Variants in PAK5 observed in about 807,000 individuals in gnomAD.
The protein encoded by PAK5 is serine/threonine-protein kinase PAK 5.
In PAK5, 16 loss-of-function variants were observed where a neutral mutation model predicts 65.9. The observed-to-expected ratio is 0.24, with a 90% CI of 0.16 to 0.37. PAK5 has a LOEUF of 0.37. PAK5 is among the 10% of genes least tolerant of loss of function. The probability of loss-of-function intolerance (pLI) is 1.00; values close to 1 mark genes in which losing one functional copy is unlikely to be tolerated. For synonymous variants in PAK5, 371 were observed against 354.9 expected (o/e 1.05, Z -0.51); for missense variants, 785 against 903.9 (o/e 0.87, Z 1.69).
chr20:9,617,551 T>TTC (rs2046681909), intron 3 of PAK5, among the ~76,000 whole-genome samples: 1 of 134,876 alleles, frequency 7.4e-6, no homozygotes, highest in South Asian at 2.7e-4. Flanking sequence ...TCCCAATCCT[T>TTC]TTTTTTTTTT....
intron 4 of PAK5, among the ~76,000 whole-genome samples, chr20:9,568,965 C>T: frequency 6.6e-6 from 1 of 152,212 alleles, no homozygotes; most frequent in East Asian, 1.9e-4. Flanking sequence ...GGAGGTGGAT[C>T]CTCCAGGTCC....
At chr20:9,750,772 T>C (rs147064376) in intron 1 of PAK5, among the ~76,000 whole-genome samples, 2 of 152,250 alleles carry the variant, frequency 1.3e-5, no homozygotes, top group African/African-American at 2.4e-5. Flanking sequence ...TTAAGGGCCA[T>C]GATCGCTTAC....
intron 2 of PAK5, among the ~76,000 whole-genome samples, chr20:9,692,170 T>C (rs1250915651): frequency 1.3e-5 from 2 of 151,660 alleles, no homozygotes; most frequent in East Asian, 1.9e-4. Flanking sequence ...GAATTTTTCA[T>C]GTAAAAGAAA....
intron 1 of PAK5, among the ~76,000 whole-genome samples, chr20:9,776,282 C>T (rs543947769): frequency 1.3e-5 from 2 of 152,152 alleles, no homozygotes; most frequent in South Asian, 2.1e-4. Flanking sequence ...TAGTCTATAT[C>T]TTTGCTGCCC....
At position 9,538,418 on chromosome 20, in the gene PAK5, G is replaced by A. The variant is rs1408919001; in HGVS notation, c.*1044C>T. The stretch of plus-strand genomic sequence containing the variant: ...TGCTAGCATACAGAGTTTTAAAAAT[G>A]GTGACAAATGAAACCAAACGTCTTG... On this transcript the variant is annotated 3_prime_UTR_variant, in exon 10 of 10. Coordinates refer to ENST00000353224, the MANE Select transcript of PAK5 (RefSeq NM_177990.4). 4.3e-6 allele frequency: 1 copy of A among 233,454 alleles called. No homozygotes were observed. The highest frequency in any genetic ancestry group is 6.0e-5 in the East Asian group (1 of 16,554). The allele number at this position is 233,454 out of a possible 1,614,324, so 14.5% of individuals were successfully genotyped here.
intron 9 of PAK5, among the ~76,000 whole-genome samples, chr20:9,540,839 C>T (rs775066698): frequency 5.1e-4 from 78 of 151,732 alleles, no homozygotes; most frequent in Non-Finnish European, 9.3e-4. Context: ...CAGGTTCACG[C>T]CATTCTCCTG....
chr20:9,751,369 T>C (rs915910736), intron 1 of PAK5, among the ~76,000 whole-genome samples: 2 of 152,156 alleles, frequency 1.3e-5, no homozygotes, highest in African/African-American at 2.4e-5. Flanking sequence ...ATTCCTACAA[T>C]ACAACTGTCT....
chr20:9,600,324 C>T (rs1172580411), intron 3 of PAK5, among the ~76,000 whole-genome samples: 2 of 152,100 alleles, frequency 1.3e-5, no homozygotes, highest in Non-Finnish European at 2.9e-5. Flanking sequence ...AGAGTTTTGG[C>T]TATTTGGGCC....
chr20:9,803,006 C>T (rs2049190471), intron 1 of PAK5, among the ~76,000 whole-genome samples: 1 of 144,258 alleles, frequency 6.9e-6, no homozygotes, highest in South Asian at 2.2e-4. Context: ...GCTTCAAATA[C>T]TAGCTAAGTA....
At chr20:9,650,720 G>A (rs1379406936) in intron 2 of PAK5, among the ~76,000 whole-genome samples, 1 of 151,856 alleles carries the variant, frequency 6.6e-6, no homozygotes, top group African/African-American at 2.4e-5. Flanking sequence ...TCTGCTTCCC[G>A]CCAGGACTCT....
At chr20:9,642,503 T>G (rs911560692) in intron 3 of PAK5, among the ~76,000 whole-genome samples, 1 of 152,224 alleles carries the variant, frequency 6.6e-6, no homozygotes, top group African/African-American at 2.4e-5. Flanking sequence ...AGAAGACTTT[T>G]CAGGGCACAC....
intron 3 of PAK5, among the ~76,000 whole-genome samples, chr20:9,598,261 C>T (rs1407538957): frequency 6.6e-6 from 1 of 152,226 alleles, no homozygotes; most frequent in Non-Finnish European, 1.5e-5. Flanking sequence ...CTTCCAGCTT[C>T]ATCCATGTCC....
At chr20:9,679,473 T>A (rs989616098) in intron 2 of PAK5, among the ~76,000 whole-genome samples, 30 of 152,214 alleles carry the variant, frequency 2.0e-4, no homozygotes, top group Non-Finnish European at 4.1e-4. Context: ...TGTCTGTGCA[T>A]CTGTCTCTTC....
rs1382466743 is a variant in PAK5, at chr20:9,538,665, A to T, written c.*797T>A. 5 of 233,256 alleles carry T rather than the reference A, an allele frequency of 2.1e-5. No homozygotes were observed. 14.4% of individuals were successfully genotyped at this position (233,256 alleles called of 1,614,324 possible). A position where few individuals can be genotyped will look rare whatever the true frequency, so the allele number is the denominator to read the frequency against. On this transcript the variant is annotated 3_prime_UTR_variant, in exon 10 of 10. Transcript: ENST00000353224. ...ACTAGAGGCGTTCATGGAAAATGTG[A>T]TCTTTAAAAATATTTAACTTTATCC...
chr20:9,539,325 C>T lies in PAK5; in HGVS notation c.*137G>A. On this transcript the variant is annotated 3_prime_UTR_variant, in exon 10 of 10. Transcript: ENST00000353224. ...AAGAAGATGCCCTGGTCTGTTGAAC[C>T]CTGCCGGTCATCACGCTGTCCCACC... The T allele has an allele frequency of 1.3e-6, 1 of 782,174 alleles. No homozygotes were observed. Among genetic ancestry groups the T allele is most frequent in the Non-Finnish European group, 2.1e-6 (1 of 470,976 alleles). 48.5% of individuals were successfully genotyped at this position (782,174 alleles called of 1,614,324 possible).
At chr20:9,665,038 T>C (rs2047395508) in intron 2 of PAK5, among the ~76,000 whole-genome samples, 1 of 150,494 alleles carries the variant, frequency 6.6e-6, no homozygotes, top group Non-Finnish European at 1.5e-5. Context: ...GCCTCCCAAG[T>C]AGCTGGAACT....
chr20:9,827,376 G>A lies in PAK5; in HGVS notation c.-162+11386C>T, dbSNP rs879662267. 7.9e-5 allele frequency among the ~76,000 whole-genome samples: 12 copies of A among 152,190 alleles called. No individual in the cohort carries two copies. In the East Asian group the frequency reaches 1.7e-3, roughly 22 times the overall value. On this transcript the variant is annotated intron_variant, in intron 1 of 9. Coordinates refer to ENST00000353224, the MANE Select transcript of PAK5 (RefSeq NM_177990.4). ...GAGTGGCCTTTTAAATCATAGCACC[G>A]CCTTTTCACATTTGCATTCAAATTT...
intron 1 of PAK5, among the ~76,000 whole-genome samples, chr20:9,809,377 C>A (rs2049271868): frequency 1.4e-5 from 2 of 138,442 alleles, no homozygotes; most frequent in South Asian, 2.3e-4. Flanking sequence ...GATAATGACT[C>A]CGATTCTAGG....
At position 9,580,473 on chromosome 20, in the gene PAK5, C is replaced by T; in HGVS notation, c.662G>A (p.Arg221Lys). 1 of 1,614,100 alleles carries T rather than the reference C, an allele frequency of 6.2e-7. No homozygotes were observed. Residue 221 changes from arginine to lysine, a missense_variant, in exon 4 of 10, where the codon AGA (arginine) becomes AAA (lysine). Arg to Lys is a conservative substitution (Grantham distance 26). Transcript: ENST00000353224. Reference sequence around the variant, plus strand: ...ATCCAGAGGGGAGCTACTCGAGGCTCTCTGATACTCCCACTTGAGGTCACT... The same window carrying T: ...ATCCAGAGGGGAGCTACTCGAGGCTTTCTGATACTCCCACTTGAGGTCACT... ...EYSDLKWEYQ[R>K]ASSSSPLDYS...
Sources: allele counts gnomAD v4.1 joint callset (sites outside exome capture counted in the v4.1 genomes callset), GRCh38; gene constraint gnomAD v4.1.1; transcripts MANE v1.5; gene names NCBI Gene and HGNC (gene_info 2026-07-23, HGNC 2026-07-21).